SPHKAP: variants seen among roughly 807,000 people sequenced by gnomAD.
SPHKAP encodes the protein A-kinase anchor protein SPHKAP.
A neutral mutation model predicts 137.5 loss-of-function variants in SPHKAP; 67 were observed. The ratio of observed to expected loss-of-function variants is 0.49; its 90% CI spans 0.40 to 0.60. The LOEUF (loss-of-function observed/expected upper bound fraction) is 0.60, where lower values mean the gene tolerates loss of function less well. SPHKAP is among the 20% of genes least tolerant of loss of function. The pLI is 0.00. For synonymous variants in SPHKAP, 813 were observed against 785.3 expected (o/e 1.04, Z -0.59); for missense variants, 2,097 against 2,069.3 (o/e 1.01, Z -0.26).
In SPHKAP at chr2:228,181,436, C is replaced by G. The variant is rs909593665; in HGVS notation, c.32+131G>C. 1.6e-6 allele frequency: 2 copies of G among 1,259,412 alleles called. No homozygotes were observed. The highest frequency in any genetic ancestry group is 3.0e-5 in the African/African-American group (2 of 67,776). 78.0% of individuals were successfully genotyped at this position (1,259,412 alleles called of 1,614,324 possible). A position where few individuals can be genotyped will look rare whatever the true frequency, so the allele number is the denominator to read the frequency against. On this transcript the variant is annotated intron_variant, in intron 1 of 11. Coordinates refer to ENST00000392056, the MANE Select transcript of SPHKAP (RefSeq NM_001142644.2). This position sits in a 1 kb window ranked among gnomAD's most constrained non-coding sequence, Gnocchi z 4.3. ...GCTGGGCCGGACTTATTTACAAGTG[C>G]AGTGACCCCTGTCTCCTCGCTGGGA...
intron 2 of SPHKAP, among the ~76,000 whole-genome samples, chr2:228,110,620 T>G (rs867601909): frequency 3.1e-4 from 41 of 131,948 alleles, no homozygotes; most frequent in African/African-American, 1.1e-3. Flanking sequence ...ATAATAATAC[T>G]AAGATGTTAT....
At chr2:228,176,117 C>A (rs1700731547) in intron 1 of SPHKAP, among the ~76,000 whole-genome samples, 1 of 152,206 alleles carries the variant, frequency 6.6e-6, no homozygotes, top group South Asian at 2.1e-4. Flanking sequence ...CATTTTGCCC[C>A]AGAGTGGATA....
intron 3 of SPHKAP, among the ~76,000 whole-genome samples, chr2:228,041,646 C>CAAA (rs58570907): frequency 2.1e-5 from 2 of 95,938 alleles, no homozygotes; most frequent in Non-Finnish European, 2.1e-5. Flanking sequence ...GACTCTGTCT[C>CAAA]AAAAAAAAAA....
In SPHKAP at chr2:228,039,295, T is replaced by TATCA. The variant is rs920874761; in HGVS notation, c.247-11756_247-11753dup. ...CTTTTACACTCTAATGCTGCTCTTC[T>TATCA]ATCACTATTATGGTTTTTAAACAAA... On this transcript the variant is annotated intron_variant, in intron 3 of 11. Transcript: ENST00000392056. 8.5e-5 allele frequency among the ~76,000 whole-genome samples: 13 copies of TATCA among 152,346 alleles called. 1 individual carries two copies. The highest frequency in any genetic ancestry group is 3.4e-3 in the Middle Eastern group (1 of 294).
chr2:227,981,522 T>C lies in SPHKAP; in HGVS notation c.*195A>G. On this transcript the variant is annotated 3_prime_UTR_variant, in exon 12 of 12. Transcript: ENST00000392056. ...CTCTTTGGAACTCACCCACAAGTTG[T>C]ATGAATTTGGACAGACCTATATTTT... 1 of 495,322 alleles carries C rather than the reference T, an allele frequency of 2.0e-6. No homozygotes were observed. The highest frequency in any genetic ancestry group is 3.3e-6 in the Non-Finnish European group (1 of 304,270). The allele number at this position is 495,322 out of a possible 1,614,324, so 30.7% of individuals were successfully genotyped here.
intron 2 of SPHKAP, chr2:228,109,551 TATGACTGACA>T (rs1698451367): frequency 6.2e-6 from 1 of 161,636 alleles, no homozygotes; most frequent in Non-Finnish European, 1.3e-5. Flanking sequence ...CAAAACCAAA[TATGACTGACA>T]AATATCTGAT....
At chr2:228,080,648 A>G (rs1490394270) in intron 3 of SPHKAP, among the ~76,000 whole-genome samples, 1 of 152,138 alleles carries the variant, frequency 6.6e-6, no homozygotes, top group Non-Finnish European at 1.5e-5. Flanking sequence ...CAGAGGTTGC[A>G]GTGAGCCGTG....
chr2:228,075,416 T>C (rs1031607949), intron 3 of SPHKAP, among the ~76,000 whole-genome samples: 3 of 151,832 alleles, frequency 2.0e-5, no homozygotes, highest in African/African-American at 7.3e-5. Flanking sequence ...ACCAAAGGCT[T>C]GCTTCTTTTT....
intron 1 of SPHKAP, among the ~76,000 whole-genome samples, chr2:228,160,898 T>A (rs1042696531): frequency 1.3e-5 from 2 of 152,216 alleles, no homozygotes; most frequent in Non-Finnish European, 2.9e-5. Context: ...TTGGCCCAGA[T>A]AACATTTATG....
At chr2:228,079,049 G>T (rs370366990) in intron 3 of SPHKAP, among the ~76,000 whole-genome samples, 3 of 152,144 alleles carry the variant, frequency 2.0e-5, no homozygotes, top group Admixed American at 6.6e-5. Flanking sequence ...CAACCTTTTT[G>T]GCACCAGGGA....
chr2:227,986,884 A>G (rs1693231094), intron 11 of SPHKAP, among the ~76,000 whole-genome samples: 1 of 152,214 alleles, frequency 6.6e-6, no homozygotes, highest in Non-Finnish European at 1.5e-5. Context: ...CTGGAGAGCA[A>G]TGATCTTTGG....
chr2:228,150,881 T>C (rs1376924687), intron 1 of SPHKAP, among the ~76,000 whole-genome samples: 1 of 151,982 alleles, frequency 6.6e-6, no homozygotes, highest in Non-Finnish European at 1.5e-5. Context: ...CTCCCAGTAG[T>C]TGGCACTACA....
chr2:228,018,836 T>A lies in SPHKAP; in HGVS notation c.2018A>T (p.Asn673Ile). The A allele has an allele frequency of 6.2e-7, 1 of 1,614,184 alleles. No individual in the cohort carries two copies. Among genetic ancestry groups the A allele is most frequent in the Non-Finnish European group, 8.5e-7 (1 of 1,180,028 alleles). Residue 673 changes from asparagine to isoleucine, a missense_variant, in exon 7 of 12, where the codon AAT becomes ATT. Coordinates refer to ENST00000392056, the MANE Select transcript of SPHKAP (RefSeq NM_001142644.2). Reference protein sequence around the residue: ...VRNELAHTLSNVILRHSIDEV... With the variant: ...VRNELAHTLSIVILRHSIDEV... ...ATCAATGGAATGCCTCAGGATAACA[T>A]TGGACAGGGTATGTGCCAGTTCATT...
intron 3 of SPHKAP, among the ~76,000 whole-genome samples, chr2:228,095,636 T>C (rs1697958300): frequency 6.6e-6 from 1 of 152,132 alleles, no homozygotes; most frequent in Non-Finnish European, 1.5e-5. Flanking sequence ...AGAGATAGTA[T>C]ACTTTTTAAT....
At chr2:228,037,210 T>C (rs935276109) in intron 3 of SPHKAP, among the ~76,000 whole-genome samples, 13 of 152,164 alleles carry the variant, frequency 8.5e-5, no homozygotes, top group African/African-American at 2.9e-4. Flanking sequence ...GTGATTTCCA[T>C]GAAAAAAAAT....
chr2:227,982,927 G>A (rs1240409245), intron 11 of SPHKAP, among the ~76,000 whole-genome samples: 1 of 152,130 alleles, frequency 6.6e-6, no homozygotes, highest in African/African-American at 2.4e-5. Flanking sequence ...AAGATCTCAA[G>A]AAGACTGTTG....
chr2:228,087,829 G>A (rs1018285332), intron 3 of SPHKAP, among the ~76,000 whole-genome samples: 8 of 152,136 alleles, frequency 5.3e-5, no homozygotes, highest in Non-Finnish European at 1.0e-4. Context: ...TACATACAAT[G>A]GGAATATCAG....
Position 228,136,413 on chromosome 2 carries a change from C to A in SPHKAP, c.33-4328G>T, listed in dbSNP as rs149953670. On this transcript the variant is annotated intron_variant, in intron 1 of 11. Transcript: ENST00000392056. ...CCATAAAGCAGCTTTCTTTATAGAA[C>A]AATTTCATATATTAATAAATGAGAT... Among the ~76,000 whole-genome samples the A allele has an allele frequency of 1.5e-3, 234 of 152,290 alleles. 1 individual carries two copies. Among genetic ancestry groups the A allele is most frequent in the African/African-American group, 5.2e-3 (218 of 41,558 alleles).
At position 228,019,724 on chromosome 2, in the gene SPHKAP, G is replaced by C. The variant is rs995709335; in HGVS notation, c.1130C>G (p.Ala377Gly). 14 of 1,614,068 alleles carry C rather than the reference G, an allele frequency of 8.7e-6. No individual in the cohort carries two copies. Among genetic ancestry groups the C allele is most frequent in the Non-Finnish European group, 1.2e-5 (14 of 1,180,026 alleles). ...TTCTCCATCTTGTCTAGGAGGGAGA[G>C]CGTTTCTTGTGTCTTCATGGTCTCC... ...NPGDHEDTRN[A>G]LPPRQDGEVT... Residue 377 changes from alanine to glycine, a missense_variant, in exon 7 of 12, where the codon GCT becomes GGT. Coordinates refer to ENST00000392056, the MANE Select transcript of SPHKAP (RefSeq NM_001142644.2).
Sources: gnomAD v4.1 joint callset for allele counts (sites outside exome capture counted in the v4.1 genomes callset) on GRCh38, gnomAD v4.1.1 for gene constraint, Gnocchi (gnomAD v3.1) non-coding constraint, MANE v1.5 for transcripts, NCBI Gene and HGNC (gene_info 2026-07-23, HGNC 2026-07-21) for gene names.